The following BAIAP2L1 variants were observed in gnomAD, a reference collection of about 807,000 sequenced individuals.
BAIAP2L1 encodes BAR/IMD domain-containing adapter protein 2-like 1.
BAIAP2L1 carries 35 observed loss-of-function variants against 66.3 expected under a neutral mutation model. The observed-to-expected ratio is 0.53, with a 90% CI of 0.40 to 0.70. The LOEUF is 0.70. Ranked by LOEUF, BAIAP2L1 falls within the 30% of genes least tolerant of loss-of-function variation. The probability of loss-of-function intolerance (pLI) is 0.00; values close to 1 mark genes in which losing one functional copy is unlikely to be tolerated. For synonymous variants in BAIAP2L1, 269 were observed against 248.7 expected (o/e 1.08, Z -0.77); for missense variants, 622 against 656.9 (o/e 0.95, Z 0.58).
chr7:98,357,946 TAAGA>T (rs1310169936), intron 2 of BAIAP2L1, among the ~76,000 whole-genome samples: 1 of 152,128 alleles, frequency 6.6e-6, no homozygotes, highest in African/African-American at 2.4e-5. Flanking sequence ...CGTCTAGAAC[TAAGA>T]AAGAAGTGAC....
intron 1 of BAIAP2L1, among the ~76,000 whole-genome samples, chr7:98,380,851 GGCT>G (rs909468122): frequency 4.1e-4 from 53 of 129,300 alleles, no homozygotes; most frequent in African/African-American, 1.4e-3. Flanking sequence ...TTCCATTACA[GGCT>G]GCTAAGGATT....
chr7:98,339,179 T>G (rs1260896111), intron 3 of BAIAP2L1, among the ~76,000 whole-genome samples: 5 of 152,180 alleles, frequency 3.3e-5, no homozygotes, highest in African/African-American at 1.2e-4. Flanking sequence ...TGCTTGAGTT[T>G]TAAGGAACTG....
At chr7:98,370,195 C>T (rs1055527054) in intron 1 of BAIAP2L1, among the ~76,000 whole-genome samples, 1 of 151,510 alleles carries the variant, frequency 6.6e-6, no homozygotes, top group Admixed American at 6.6e-5. Flanking sequence ...GCTAATGTGG[C>T]GAAACCCCAT....
At position 98,399,144 on chromosome 7, in the gene BAIAP2L1, T is replaced by C. The variant is rs112833453; in HGVS notation, c.51+1658A>G. The stretch of plus-strand genomic sequence containing the variant: ...AATAGTAGCAATCTCAATACAAATG[T>C]AGGAATTTCTCAAATTTCGAATTTC... On this transcript the variant is annotated intron_variant, in intron 1 of 13. Coordinates refer to ENST00000005260, the MANE Select transcript of BAIAP2L1 (RefSeq NM_018842.5). 8.5e-3 allele frequency among the ~76,000 whole-genome samples: 1,290 copies of C among 152,318 alleles called. 9 individuals are homozygous for C. Among genetic ancestry groups the C allele is most frequent in the Non-Finnish European group, 0.014 (929 of 68,032 alleles).
At chr7:98,304,127 A>G (rs1022241138) in intron 12 of BAIAP2L1, 69 bp downstream of exon 12, 1 of 1,457,054 alleles carries the variant, frequency 6.9e-7, no homozygotes, top group East Asian at 2.5e-5. Flanking sequence ...CGGTCACCAC[A>G]GGACCTGCGC....
intron 1 of BAIAP2L1, among the ~76,000 whole-genome samples, chr7:98,370,330 C>T (rs1344163922): frequency 6.3e-5 from 9 of 141,962 alleles, no homozygotes; most frequent in East Asian, 2.2e-4. Flanking sequence ...GCTGAGATTG[C>T]GCCACTGCAC....
intron 1 of BAIAP2L1, among the ~76,000 whole-genome samples, chr7:98,386,985 C>T (rs1802910370): frequency 6.6e-6 from 1 of 152,122 alleles, no homozygotes; most frequent in South Asian, 2.1e-4. Flanking sequence ...AGGCGTGAGC[C>T]ACCGTGCCTG....
rs559672707 is a variant in BAIAP2L1 at position 98,294,318 on chromosome 7, C to T, written c.1423-207G>A. Among the ~76,000 whole-genome samples the T allele has an allele frequency of 4.6e-5, 7 of 152,180 alleles. No individual in the cohort carries two copies. The East Asian group carries it at 9.7e-4, about 21-fold the overall frequency. Reference sequence around the variant, plus strand: ...TGTATTGGAGATTTTTAATAAGACCCGAAGGTAAAGACATCTAAAACATAA... The same window carrying T: ...TGTATTGGAGATTTTTAATAAGACCTGAAGGTAAAGACATCTAAAACATAA... On this transcript the variant is annotated intron_variant, in intron 12 of 13. Transcript: ENST00000005260.
intron 3 of BAIAP2L1, 42 bp from the exon 4 acceptor site, chr7:98,320,340 A>AT (rs759796827): frequency 2.9e-5 from 43 of 1,473,190 alleles, no homozygotes; most frequent in Admixed American, 4.0e-5. Flanking sequence ...GCCATTGCGT[A>AT]TTTTTTTGTT....
At chr7:98,342,346 G>C (rs1801762017) in intron 3 of BAIAP2L1, among the ~76,000 whole-genome samples, 1 of 152,110 alleles carries the variant, frequency 6.6e-6, no homozygotes, top group East Asian at 1.9e-4. Flanking sequence ...ACTGCACCCA[G>C]GCTGAGCCAC....
chr7:98,359,768 T>TTA (rs869098054), intron 2 of BAIAP2L1, among the ~76,000 whole-genome samples: 2 of 144,346 alleles, frequency 1.4e-5, no homozygotes, highest in Non-Finnish European at 3.0e-5. Flanking sequence ...TTTTTTTTTT[T>TTA]AATTTTTTTG....
chr7:98,306,522 G>A lies in BAIAP2L1; in HGVS notation c.1164-6C>T, dbSNP rs189996945. The A allele has an allele frequency of 6.2e-6, 10 of 1,614,052 alleles. No individual in the cohort carries two copies. The East Asian group carries it at 6.7e-5, about 11-fold the overall frequency. On this transcript the variant is annotated splice_region_variant and splice_polypyrimidine_tract_variant and intron_variant, in intron 10 of 13. Transcript: ENST00000005260. ...ACGACGGGAACCAACCCCTCCTACC[G>A]GCAAAGAGGGAGAAAAGACCCTATC...
At position 98,393,175 on chromosome 7, in the gene BAIAP2L1, A is replaced by ACACACACATATGTG. The variant is rs1554341929; in HGVS notation, c.51+7626_51+7627insCACATATGTGTGTG. ...TATATGTACACATATATGTATATAT[A>ACACACACATATGTG]TACATATATGTGTGTGTTTATATAT... On this transcript the variant is annotated intron_variant, in intron 1 of 13. Coordinates refer to ENST00000005260, the MANE Select transcript of BAIAP2L1 (RefSeq NM_018842.5). Among the ~76,000 whole-genome samples, 40 of 138,126 alleles carry ACACACACATATGTG rather than the reference A, an allele frequency of 2.9e-4. 1 individual carries two copies. The highest frequency in any genetic ancestry group is 1.1e-3 in the Admixed American group (15 of 13,632). 90.6% of individuals were successfully genotyped at this position (138,126 alleles called of 152,430 possible).
intron 3 of BAIAP2L1, among the ~76,000 whole-genome samples, chr7:98,352,419 G>A (rs1802019914): frequency 6.6e-6 from 1 of 152,096 alleles, no homozygotes; most frequent in Non-Finnish European, 1.5e-5. Flanking sequence ...AGGCGGGTGG[G>A]TCACCCGAGG....
chr7:98,320,174 A>C, intron 4 of BAIAP2L1, 45 bp from the exon 5 acceptor site: 1 of 1,592,074 alleles, frequency 6.3e-7, no homozygotes, highest in Non-Finnish European at 8.6e-7. Context: ...TGAGATTTTA[A>C]GCAAAATAAG....
intron 5 of BAIAP2L1, among the ~76,000 whole-genome samples, chr7:98,318,515 T>C (rs1801147942): frequency 6.6e-6 from 1 of 151,664 alleles, no homozygotes; most frequent in Non-Finnish European, 1.5e-5. Flanking sequence ...CTCCTGACCT[T>C]GGATCCACCC....
At chr7:98,383,224 A>C (rs1410883042) in intron 1 of BAIAP2L1, among the ~76,000 whole-genome samples, 1 of 152,004 alleles carries the variant, frequency 6.6e-6, no homozygotes, top group Non-Finnish European at 1.5e-5. Flanking sequence ...ATGGAAACAC[A>C]ATCCTTCCTA....
intron 3 of BAIAP2L1, chr7:98,323,274 A>C (rs773500736): frequency 2.6e-5 from 4 of 152,202 alleles, no homozygotes; most frequent in Admixed American, 6.5e-5. Flanking sequence ...AAACTCAGTT[A>C]CTTTCACATC....
At chr7:98,299,649 G>A (rs1393767042) in intron 12 of BAIAP2L1, among the ~76,000 whole-genome samples, 1 of 152,210 alleles carries the variant, frequency 6.6e-6, no homozygotes, top group Non-Finnish European at 1.5e-5. Context: ...GAGCCACCGT[G>A]CCCAGCTAGA....
Sources: gnomAD v4.1 joint callset for allele counts (sites outside exome capture counted in the v4.1 genomes callset) on GRCh38, gnomAD v4.1.1 for gene constraint, MANE v1.5 for transcripts, NCBI Gene and HGNC (gene_info 2026-07-23, HGNC 2026-07-21) for gene names.